Variants in EPS15L1 observed in about 807,000 individuals in gnomAD.
EPS15L1 encodes the protein epidermal growth factor receptor substrate 15-like 1.
In EPS15L1, 43 loss-of-function variants were observed where a neutral mutation model predicts 117.1. The observed-to-expected ratio is 0.37, with a 90% CI of 0.29 to 0.47. The LOEUF is 0.47. EPS15L1 is among the 20% of genes least tolerant of loss of function. The pLI, the probability that EPS15L1 is intolerant of heterozygous loss-of-function variation, is 0.99. For synonymous variants in EPS15L1, 459 were observed against 470.5 expected, an observed-to-expected ratio of 0.98 and a Z score of 0.32; for missense variants, 981 against 1,164.0, an observed-to-expected ratio of 0.84 and a Z score of 2.29.
chr19:16,470,845 G>A (rs1365767895), intron 1 of EPS15L1, among the ~76,000 whole-genome samples: 1 of 152,186 alleles, frequency 6.6e-6, no homozygotes, highest in Non-Finnish European at 1.5e-5. Flanking sequence ...ATCACTGAGT[G>A]CCTCTCATAT....
intron 9 of EPS15L1, among the ~76,000 whole-genome samples, chr19:16,423,352 G>A (rs1031021312): frequency 7.2e-5 from 11 of 152,132 alleles, no homozygotes; most frequent in African/African-American, 2.2e-4. Context: ...GATCCCTCAA[G>A]CCCAGGAGTT....
chr19:16,375,213 C>G (rs1306376239), intron 22 of EPS15L1, among the ~76,000 whole-genome samples: 2 of 152,192 alleles, frequency 1.3e-5, no homozygotes, highest in African/African-American at 4.8e-5. Context: ...CATGCAGGCA[C>G]ATGCGAGAAT....
At chr19:16,395,201 CAAA>C (rs368177768) in intron 17 of EPS15L1, 140 bp downstream of exon 17, 10,566 of 453,410 alleles carry the variant, frequency 0.023, no homozygotes, top group South Asian at 0.036. Flanking sequence ...AGTTCGTCTC[CAAA>C]AAAAAAAAAA....
intron 3 of EPS15L1, chr19:16,441,498 A>G (rs145472563): frequency 0.011 from 1,788 of 169,132 alleles, 34 homozygotes; most frequent in African/African-American, 0.041. Flanking sequence ...GTGTGGTAGC[A>G]TGTGCCTGTA....
At chr19:16,412,986 C>A in intron 13 of EPS15L1, 1 of 679,958 alleles carries the variant, frequency 1.5e-6, no homozygotes, top group Non-Finnish European at 2.7e-6. Flanking sequence ...TGACTTTTGC[C>A]TGGGGGGCTC....
At position 16,418,116 on chromosome 19, in the gene EPS15L1, G is replaced by A. The variant is rs372804130; in HGVS notation, c.951-12C>T. 6.2e-6 allele frequency: 10 copies of A among 1,608,528 alleles called. No homozygotes were observed. The highest frequency in any genetic ancestry group is 2.2e-5 in the East Asian group (1 of 44,838). On this transcript the variant is annotated splice_polypyrimidine_tract_variant and intron_variant, in intron 10 of 23. Transcript: ENST00000455140. The stretch of plus-strand genomic sequence containing the variant: ...TATCGGCCAGGGCCCTGGGAGAAAC[G>A]TGGGGATGCTAATTACACATCACAG...
At chr19:16,401,195 C>T (rs554856429) in intron 16 of EPS15L1, 195 of 985,396 alleles carry the variant, frequency 2.0e-4, no homozygotes, top group East Asian at 9.1e-4. Context: ...AAGAGGGAGG[C>T]GGTGCACCCA....
chr19:16,403,605 AC>A (rs2092624442), intron 15 of EPS15L1, 127 bp downstream of exon 15: 1 of 899,582 alleles, frequency 1.1e-6, no homozygotes, highest in Non-Finnish European at 1.7e-6. Flanking sequence ...GGCCAGCACC[AC>A]AGCCTCCCAA....
Position 16,355,294 on chromosome 19 carries a change from C to A in EPS15L1, c.*411G>T. Reference sequence around the variant, plus strand: ...TTAATCATTCAAACTTCATTTTATACAACGAGTGCATACACCACTGGGGGA... The same window carrying A: ...TTAATCATTCAAACTTCATTTTATAAAACGAGTGCATACACCACTGGGGGA... On this transcript the variant is annotated 3_prime_UTR_variant, in exon 24 of 24. Transcript: ENST00000455140. 1 of 169,110 alleles carries A rather than the reference C, an allele frequency of 5.9e-6. No individual in the cohort carries two copies. Among genetic ancestry groups the A allele is most frequent in the Non-Finnish European group, 1.1e-5 (1 of 89,080 alleles). The allele number at this position is 169,110 out of a possible 1,614,324, so 10.5% of individuals were successfully genotyped here.
At chr19:16,466,488 T>C (rs1158606969) in intron 1 of EPS15L1, among the ~76,000 whole-genome samples, 1 of 152,130 alleles carries the variant, frequency 6.6e-6, no homozygotes, top group Non-Finnish European at 1.5e-5. Flanking sequence ...CTCCCAACGA[T>C]GTCAGCCCCG....
chr19:16,436,828 T>C (rs2092982818), intron 6 of EPS15L1, 109 bp downstream of exon 6: 1 of 857,482 alleles, frequency 1.2e-6, no homozygotes, highest in South Asian at 1.7e-5. Flanking sequence ...TCCTATAAAA[T>C]GTTCTGAACA....
intron 16 of EPS15L1, chr19:16,401,017 C>G (rs527275696): frequency 1.0e-6 from 1 of 985,406 alleles, no homozygotes; most frequent in South Asian, 4.7e-5. Flanking sequence ...GAAACACACA[C>G]GCCAAGAACA....
At chr19:16,459,251 A>ACC (rs2093226014) in intron 1 of EPS15L1, among the ~76,000 whole-genome samples, 1 of 151,944 alleles carries the variant, frequency 6.6e-6, no homozygotes, top group Non-Finnish European at 1.5e-5. Flanking sequence ...CTCTAAGATG[A>ACC]CCCTAGGTTC....
At position 16,405,385 on chromosome 19, in the gene EPS15L1, TG is replaced by T. The variant is rs1568423474; in HGVS notation, c.1267-637del. 2.0e-5 allele frequency among the ~76,000 whole-genome samples: 3 copies of T among 152,056 alleles called. No individual in the cohort carries two copies. Among genetic ancestry groups the T allele is most frequent in the African/African-American group, 7.2e-5 (3 of 41,404 alleles). On this transcript the variant is annotated intron_variant, in intron 13 of 23. Coordinates refer to ENST00000455140, the MANE Select transcript of EPS15L1 (RefSeq NM_001258374.3). This position sits in a 1 kb window ranked among gnomAD's most constrained non-coding sequence, Gnocchi z 4.0. ...GTGGTGGGGAGCCCGGTGGGATGTG[TG>T]AGTGTGGGAGGCGGGACATCATGAT...
chr19:16,369,301 G>C (rs2092187119), intron 22 of EPS15L1, among the ~76,000 whole-genome samples: 1 of 152,164 alleles, frequency 6.6e-6, no homozygotes, highest in Non-Finnish European at 1.5e-5. Flanking sequence ...GCAGCGTTGA[G>C]ATTTTCCACT....
chr19:16,385,015 A>T (rs1568406184), intron 21 of EPS15L1, 114 bp downstream of exon 21: 1 of 822,702 alleles, frequency 1.2e-6, no homozygotes, highest in Non-Finnish European at 2.1e-6. Flanking sequence ...TTGTGTTGGA[A>T]AGGTGCCGGG....
chr19:16,398,795 C>T (rs1327540624), intron 16 of EPS15L1, among the ~76,000 whole-genome samples: 5 of 152,060 alleles, frequency 3.3e-5, no homozygotes, highest in East Asian at 1.9e-4. Flanking sequence ...TCTCCTTAGG[C>T]GACTGGTGGT....
intron 21 of EPS15L1, among the ~76,000 whole-genome samples, chr19:16,378,357 AC>A (rs2092322034): frequency 6.6e-6 from 1 of 151,318 alleles, no homozygotes; most frequent in Admixed American, 6.6e-5. Context: ...GAACCCACTG[AC>A]CCCCCAGCCG....
In EPS15L1 at chr19:16,355,611, G is replaced by C. The variant is rs563902263; in HGVS notation, c.*94C>G. 6 of 1,407,452 alleles carry C rather than the reference G, an allele frequency of 4.3e-6. No individual in the cohort carries two copies. 87.2% of individuals were successfully genotyped at this position (1,407,452 alleles called of 1,614,324 possible). ...CCCCGAGTCCCGGTCCTTGGAGTAC[G>C]GTGGCGACGGTGTGTGTGTGTATAT... On this transcript the variant is annotated 3_prime_UTR_variant, in exon 24 of 24. Coordinates refer to ENST00000455140, the MANE Select transcript of EPS15L1 (RefSeq NM_001258374.3).
Sources: gnomAD v4.1 joint callset for allele counts (sites outside exome capture counted in the v4.1 genomes callset) on GRCh38, gnomAD v4.1.1 for gene constraint, Gnocchi (gnomAD v3.1) non-coding constraint, MANE v1.5 for transcripts, NCBI Gene and HGNC (gene_info 2026-07-23, HGNC 2026-07-21) for gene names.